TRAF3: variants seen among roughly 807,000 people sequenced by gnomAD.
TRAF3 encodes TNF receptor associated factor 3.
Under a neutral mutation model 62.3 loss-of-function variants are expected in TRAF3, and 13 were observed. The observed-to-expected ratio is 0.21, with a 90% confidence interval of 0.14 to 0.33. TRAF3 has a LOEUF of 0.33. TRAF3 is among the 10% of genes least tolerant of loss of function. TRAF3 has a pLI of 1.00. For synonymous variants in TRAF3, 269 were observed against 283.4 expected, an observed-to-expected ratio of 0.95 and a Z score of 0.51; for missense variants, 440 against 741.8, an observed-to-expected ratio of 0.59 and a Z score of 4.73.
intron 4 of TRAF3, among the ~76,000 whole-genome samples, chr14:102,873,657 C>T (rs1183341590): frequency 7.2e-5 from 11 of 152,092 alleles, no homozygotes; most frequent in Admixed American, 3.3e-4. Context: ...CAGGGGTGGG[C>T]GGGCCTCTGG....
chr14:102,886,110 G>A (rs1889367274), intron 6 of TRAF3, 79 bp from the exon 7 acceptor site: 3 of 1,468,580 alleles, frequency 2.0e-6, no homozygotes, highest in South Asian at 2.3e-5. Context: ...CCATTCCTGG[G>A]GGCCCCATGG....
At chr14:102,797,836 C>G (rs981884723) in intron 1 of TRAF3, among the ~76,000 whole-genome samples, 27 of 151,574 alleles carry the variant, frequency 1.8e-4, no homozygotes, top group African/African-American at 6.5e-4. Context: ...CACCCAGGTT[C>G]AAGCGATTCT....
chr14:102,784,791 G>C (rs1445427413), intron 1 of TRAF3, among the ~76,000 whole-genome samples: 1 of 152,208 alleles, frequency 6.6e-6, no homozygotes, highest in Non-Finnish European at 1.5e-5. Context: ...TTCAACCTGG[G>C]TTAGGAGGAG....
intron 2 of TRAF3, among the ~76,000 whole-genome samples, chr14:102,867,899 T>G (rs1420176549): frequency 6.6e-6 from 1 of 152,258 alleles, no homozygotes; most frequent in Admixed American, 6.5e-5. Context: ...CAAGTGTGGC[T>G]AGAACGCCAG....
At chr14:102,840,654 G>A (rs961497324) in intron 2 of TRAF3, among the ~76,000 whole-genome samples, 12 of 152,088 alleles carry the variant, frequency 7.9e-5, no homozygotes, top group African/African-American at 2.4e-4. Context: ...TTTGTACCTC[G>A]TGGATTTTTT....
intron 1 of TRAF3, among the ~76,000 whole-genome samples, chr14:102,809,473 GT>G (rs1261625494): frequency 1.3e-5 from 2 of 149,220 alleles, no homozygotes; most frequent in Non-Finnish European, 3.0e-5. Flanking sequence ...GAAATGGAAT[GT>G]ATCCCAAATG....
intron 1 of TRAF3, among the ~76,000 whole-genome samples, chr14:102,788,363 C>T (rs976863150): frequency 3.3e-5 from 5 of 152,166 alleles, no homozygotes; most frequent in African/African-American, 1.2e-4. Flanking sequence ...CACCAGCTCT[C>T]TCTAGTTTAA....
In TRAF3 at chr14:102,781,260, C is replaced by T. The variant is rs1897263552; in HGVS notation, c.-157+3585C>T. ...CCTTGCCAGTAGATGCAGTGCTGGC[C>T]ATGCTGCTGGTCATTGGGTTTCCAG... On this transcript the variant is annotated intron_variant, in intron 1 of 11. Coordinates refer to ENST00000392745, the MANE Select transcript of TRAF3 (RefSeq NM_145725.3). 2.6e-5 allele frequency among the ~76,000 whole-genome samples: 4 copies of T among 152,180 alleles called. No homozygotes were observed. The South Asian group carries it at 8.3e-4, about 32-fold the overall frequency.
intron 2 of TRAF3, among the ~76,000 whole-genome samples, chr14:102,833,989 G>A (rs1241105564): frequency 1.3e-4 from 2 of 14,896 alleles, no homozygotes; most frequent in African/African-American, 1.0e-3. Context: ...ACTTTGTCTC[G>A]GGGGGAAAAA....
intron 6 of TRAF3, among the ~76,000 whole-genome samples, chr14:102,877,955 A>T (rs1434003038): frequency 6.6e-6 from 1 of 152,248 alleles, no homozygotes; most frequent in Admixed American, 6.5e-5. Flanking sequence ...CTTCTTAAAG[A>T]CTATTCTAAT....
chr14:102,830,776 T>G (rs1279898391), intron 2 of TRAF3, among the ~76,000 whole-genome samples: 1 of 152,196 alleles, frequency 6.6e-6, no homozygotes, highest in East Asian at 1.9e-4. Flanking sequence ...TCTGCCAGGC[T>G]GTGGTATTCT....
At chr14:102,854,265 T>C (rs1290412399) in intron 2 of TRAF3, among the ~76,000 whole-genome samples, 2 of 152,230 alleles carry the variant, frequency 1.3e-5, no homozygotes, top group Non-Finnish European at 2.9e-5. Context: ...AACAAGTTTT[T>C]GCGTGAACAG....
intron 2 of TRAF3, among the ~76,000 whole-genome samples, chr14:102,857,253 T>TA (rs1887426195): frequency 6.6e-6 from 1 of 152,162 alleles, no homozygotes; most frequent in Non-Finnish European, 1.5e-5. Context: ...AGGGTTAGCC[T>TA]AAGTTGCAGA....
At chr14:102,869,531 G>A (rs879480042) in intron 2 of TRAF3, among the ~76,000 whole-genome samples, 1 of 152,032 alleles carries the variant, frequency 6.6e-6, no homozygotes, top group South Asian at 2.1e-4. Flanking sequence ...TTTTTGGCTG[G>A]TGTGGTGGCT....
chr14:102,846,842 A>G (rs1316288346), intron 2 of TRAF3, among the ~76,000 whole-genome samples: 1 of 152,078 alleles, frequency 6.6e-6, no homozygotes, highest in Non-Finnish European at 1.5e-5. Context: ...TCATTTTGTT[A>G]AAGCTAGTAC....
At chr14:102,810,179 T>C (rs1265577653) in intron 1 of TRAF3, among the ~76,000 whole-genome samples, 1 of 151,932 alleles carries the variant, frequency 6.6e-6, no homozygotes, top group Non-Finnish European at 1.5e-5. Flanking sequence ...AACAACCCCC[T>C]CCCCCCTACA....
chr14:102,872,711 C>T (rs1888411979), intron 4 of TRAF3, among the ~76,000 whole-genome samples: 4 of 135,018 alleles, frequency 3.0e-5, no homozygotes, highest in Admixed American at 7.5e-5. Context: ...TTTTTTTTTG[C>T]GACAGAGTTC....
intron 2 of TRAF3, among the ~76,000 whole-genome samples, chr14:102,849,577 CT>C (rs370901243): frequency 3.9e-5 from 6 of 152,354 alleles, no homozygotes; most frequent in Admixed American, 1.3e-4. Context: ...TAATCAGGTT[CT>C]TTCCTAGGAG....
intron 2 of TRAF3, among the ~76,000 whole-genome samples, chr14:102,868,047 C>G (rs1410724744): frequency 1.3e-5 from 2 of 152,202 alleles, no homozygotes; most frequent in African/African-American, 4.8e-5. Flanking sequence ...GAAGCAAGGG[C>G]TCCGCCCGCC....
Sources: gnomAD v4.1 joint callset for allele counts (sites outside exome capture counted in the v4.1 genomes callset) on GRCh38, gnomAD v4.1.1 for gene constraint, MANE v1.5 for transcripts, NCBI Gene and HGNC (gene_info 2026-07-23, HGNC 2026-07-21) for gene names.